The following PLCE1 variants were observed in gnomAD, a reference collection of about 807,000 sequenced individuals.
PLCE1 encodes the protein 1-phosphatidylinositol 4,5-bisphosphate phosphodiesterase epsilon-1.
PLCE1 carries 119 observed loss-of-function variants against 242.8 expected under a neutral mutation model. The observed-to-expected ratio is 0.49, with a 90% CI of 0.42 to 0.57. PLCE1 has a LOEUF of 0.57. Among genes scored for constraint, PLCE1 ranks in the 20% least tolerant of loss-of-function variants. PLCE1 has a pLI of 0.00. For synonymous variants in PLCE1, 945 were observed against 1,017.4 expected (o/e 0.93, Z 1.35); for missense variants, 2,441 against 2,788.8 (o/e 0.88, Z 2.81).
intron 2 of PLCE1, among the ~76,000 whole-genome samples, chr10:94,058,770 C>G (rs998297387): frequency 2.0e-5 from 3 of 152,054 alleles, no homozygotes; most frequent in Non-Finnish European, 4.4e-5. Context: ...AGCCTCAGTT[C>G]TAACATTATG....
At chr10:94,310,457 G>A (rs1196887700) in intron 27 of PLCE1, among the ~76,000 whole-genome samples, 1 of 152,184 alleles carries the variant, frequency 6.6e-6, no homozygotes, top group African/African-American at 2.4e-5. Flanking sequence ...AGTCTCTGCA[G>A]GTGGGCCCCA....
Position 94,298,433 on chromosome 10 carries a change from C to A in PLCE1, c.5222C>A (p.Pro1741Gln). 1 of 1,614,102 alleles carries A rather than the reference C, an allele frequency of 6.2e-7. No homozygotes were observed. The highest frequency in any genetic ancestry group is 1.3e-5 in the African/African-American group (1 of 75,034). The change falls in exon 24 of 33, where the codon CCA becomes CAA. Residue 1741 changes from proline (P) to glutamine (Q), a missense_variant. Pro to Gln is a moderately conservative substitution (Grantham distance 76, BLOSUM62 -1). Around this residue, in one of 5 missense-constraint regions of PLCE1, gnomAD observed 1,004 missense variants for 1,322.7 expected, o/e 0.76. Transcript: ENST00000371380. The surrounding 1 kb of genome is among the most constrained non-coding windows in gnomAD (Gnocchi z 5.2). ...GAGGAATCTTCTTCCCCTCTCAACCCAACCACGTCCCTCAGTGCTATCATT... is the reference window on the plus strand; with the variant it reads ...GAGGAATCTTCTTCCCCTCTCAACCAAACCACGTCCCTCAGTGCTATCATT... The part of the protein sequence containing the change: ...TWEESSSPLN[P>Q]TTSLSAIIRT...
At chr10:94,224,165 C>G (rs1188207854) in intron 4 of PLCE1, among the ~76,000 whole-genome samples, 2 of 152,016 alleles carry the variant, frequency 1.3e-5, no homozygotes, top group African/African-American at 2.4e-5. Context: ...CTTACATAAT[C>G]TCAACAACCA....
chr10:94,286,875 T>C (rs745942754), intron 22 of PLCE1: 4 of 152,246 alleles, frequency 2.6e-5, no homozygotes, highest in Non-Finnish European at 5.9e-5. Flanking sequence ...ATGTCCTTCA[T>C]TGCAGGAACA....
At chr10:94,251,028 G>A (rs2137600440) in intron 8 of PLCE1, among the ~76,000 whole-genome samples, 1 of 152,260 alleles carries the variant, frequency 6.6e-6, no homozygotes, top group South Asian at 2.1e-4. Flanking sequence ...GCTCCAGGAA[G>A]GGGCTTCTGA....
Position 94,246,266 on chromosome 10 carries a change from C to T in PLCE1, c.2741C>T (p.Thr914Ile). ...GCAAAACTTGGTGTACTTAATAACA[C>T]AGCTGAGCCTGGAAAATTCCCACTA... ...SKAKLGVLNN[T>I]AEPGKFPLLG... The change falls in exon 8 of 33, where the codon ACA becomes ATA. Residue 914 changes from threonine to isoleucine, a missense_variant. Transcript: ENST00000371380. 3 of 1,614,198 alleles carry T rather than the reference C, an allele frequency of 1.9e-6. No individual in the cohort carries two copies. The highest frequency in any genetic ancestry group is 2.5e-6 in the Non-Finnish European group (3 of 1,180,012).
chr10:94,030,484 C>A (rs553485299), intron 1 of PLCE1, among the ~76,000 whole-genome samples, 199 bp from the exon 2 acceptor site: 11 of 151,286 alleles, frequency 7.3e-5, no homozygotes, highest in Non-Finnish European at 1.5e-4. Flanking sequence ...ATAAATCTTG[C>A]CCTTGTTACT....
At chr10:94,104,402 T>A (rs2045651939) in intron 2 of PLCE1, 1 of 152,188 alleles carries the variant, frequency 6.6e-6, no homozygotes, top group South Asian at 2.1e-4. Flanking sequence ...GTTGATTATC[T>A]TCATGCTGTT....
intron 2 of PLCE1, among the ~76,000 whole-genome samples, chr10:94,115,475 T>G (rs993018616): frequency 7.9e-5 from 12 of 152,168 alleles, no homozygotes; most frequent in Admixed American, 2.0e-4. Flanking sequence ...GGTGTGAGAT[T>G]GTATCTCATT....
intron 28 of PLCE1, among the ~76,000 whole-genome samples, chr10:94,314,200 G>T (rs543773558): frequency 6.6e-6 from 1 of 152,186 alleles, no homozygotes; most frequent in African/African-American, 2.4e-5. Flanking sequence ...GCGAGGCAGG[G>T]CCCATGCGTA....
intron 3 of PLCE1, among the ~76,000 whole-genome samples, chr10:94,134,511 A>G (rs939426608): frequency 6.6e-6 from 1 of 152,254 alleles, no homozygotes; most frequent in Non-Finnish European, 1.5e-5. Flanking sequence ...TATGTAAAGC[A>G]TATGTTAGTT....
At chr10:94,122,624 A>G (rs1684320821) in intron 2 of PLCE1, among the ~76,000 whole-genome samples, 3 of 152,132 alleles carry the variant, frequency 2.0e-5, no homozygotes, top group Admixed American at 2.0e-4. Context: ...TGAGGCGTAT[A>G]GAGATGAATA....
At chr10:94,052,168 C>T (rs2043783593) in intron 2 of PLCE1, among the ~76,000 whole-genome samples, 1 of 152,188 alleles carries the variant, frequency 6.6e-6, no homozygotes, top group Admixed American at 6.5e-5. Flanking sequence ...AACCTAGAGG[C>T]TTGTAACCAA....
chr10:94,212,368 T>C (rs1457609215), intron 4 of PLCE1, among the ~76,000 whole-genome samples: 1 of 152,238 alleles, frequency 6.6e-6, no homozygotes, highest in African/African-American at 2.4e-5. Flanking sequence ...GCCATTCTCC[T>C]GCCTCAGCCT....
chr10:94,316,723 C>T lies in PLCE1; in HGVS notation c.6309C>T (p.Tyr2103=). Residue 2103 remains tyrosine (Y), a synonymous_variant, in exon 29 of 33, where the codon TAC becomes TAT. Coordinates refer to ENST00000371380, the MANE Select transcript of PLCE1 (RefSeq NM_016341.4). ...ILSSWFPEEG[Y]MGRIVLKTQQ... ...GCAGCTGGTTTCCAGAAGAGGGATA[C>T]ATGGGCAGGATTGTCTTAAAAACCC... The T allele has an allele frequency of 3.7e-6, 6 of 1,613,942 alleles. No homozygotes were observed. The highest frequency in any genetic ancestry group is 5.1e-6 in the Non-Finnish European group (6 of 1,179,854).
chr10:94,000,322 G>A (rs1262573070), intron 1 of PLCE1, among the ~76,000 whole-genome samples: 5 of 151,918 alleles, frequency 3.3e-5, no homozygotes, highest in African/African-American at 9.7e-5. Context: ...TTTATATCTG[G>A]CCTCTACTAC....
intron 3 of PLCE1, chr10:94,138,472 GGCCATTTTCAA>G (rs1279910931): frequency 2.3e-6 from 1 of 443,412 alleles, no homozygotes; most frequent in African/African-American, 2.0e-5. Flanking sequence ...AATCCTGTGA[GGCCATTTTCAA>G]GCCAGATATG....
chr10:94,260,959 A>G (rs2051275714), intron 13 of PLCE1, among the ~76,000 whole-genome samples: 1 of 152,196 alleles, frequency 6.6e-6, no homozygotes, highest in African/African-American at 2.4e-5. Flanking sequence ...AGTGTAGTAC[A>G]TTTGTTACAA....
At chr10:94,293,671 G>A (rs1229949057) in intron 23 of PLCE1, 32 bp downstream of exon 23, 1 of 1,609,282 alleles carries the variant, frequency 6.2e-7, no homozygotes, top group South Asian at 1.1e-5. Context: ...ATCTTTGCTT[G>A]ATTCTGCATG....
Sources: gnomAD v4.1 joint callset for allele counts (sites outside exome capture counted in the v4.1 genomes callset) on GRCh38, gnomAD v4.1.1 for gene constraint, gnomAD v4.1.1 regional missense constraint, Gnocchi (gnomAD v3.1) non-coding constraint, MANE v1.5 for transcripts, NCBI Gene and HGNC (gene_info 2026-07-23, HGNC 2026-07-21) for gene names.